ADAMTS7: variants seen among roughly 807,000 people sequenced by gnomAD.
The protein encoded by ADAMTS7 is A disintegrin and metalloproteinase with thrombospondin motifs 7.
A neutral mutation model predicts 172.6 loss-of-function variants in ADAMTS7; 89 were observed. The ratio of observed to expected loss-of-function variants is 0.52; its 90% CI spans 0.43 to 0.61. The LOEUF (loss-of-function observed/expected upper bound fraction) is 0.61, where lower values mean the gene tolerates loss of function less well. Ranked by LOEUF, ADAMTS7 falls within the 20% of genes least tolerant of loss-of-function variation. The pLI, the probability that ADAMTS7 is intolerant of heterozygous loss-of-function variation, is 0.00. For missense variants in ADAMTS7, 1,973 were observed against 2,355.6 expected, an observed-to-expected ratio of 0.84 and a Z score of 3.36; for synonymous variants, 885 against 978.4, an observed-to-expected ratio of 0.90 and a Z score of 1.78.
intron 6 of ADAMTS7, among the ~76,000 whole-genome samples, 169 bp from the exon 7 acceptor site, chr15:78,790,007 T>C (rs2055557512): frequency 6.6e-6 from 1 of 152,248 alleles, no homozygotes; most frequent in Non-Finnish European, 1.5e-5. Context: ...GCAGGTGCTC[T>C]CATTTACACA....
chr15:78,764,493 T>C (rs2055106464), intron 20 of ADAMTS7, 62 bp downstream of exon 20: 2 of 1,503,056 alleles, frequency 1.3e-6, no homozygotes, highest in East Asian at 2.5e-5. Flanking sequence ...ACACAGGCCG[T>C]GGGGAACCAG....
At chr15:78,760,327 A>C (rs1219970100) in intron 23 of ADAMTS7, among the ~76,000 whole-genome samples, 2 of 152,062 alleles carry the variant, frequency 1.3e-5, no homozygotes, top group East Asian at 1.9e-4. Flanking sequence ...CTTGCTCCTG[A>C]TGCCACTGCC....
At chr15:78,782,721 G>C (rs570756018) in intron 8 of ADAMTS7, among the ~76,000 whole-genome samples, 29 of 152,076 alleles carry the variant, frequency 1.9e-4, no homozygotes, top group Non-Finnish European at 2.8e-4. Context: ...CACCCAGAAG[G>C]AGAAGCCCGG....
Position 78,769,851 on chromosome 15 carries a change from A to C in ADAMTS7, c.2518+1311T>G, listed in dbSNP as rs575470693. Among the ~76,000 whole-genome samples, 7 of 152,364 alleles carry C rather than the reference A, an allele frequency of 4.6e-5. No individual in the cohort carries two copies. The South Asian group carries it at 8.3e-4, about 18-fold the overall frequency. On this transcript the variant is annotated intron_variant, in intron 16 of 23. Transcript: ENST00000388820. ...CTGCAAGTGTATTTGTTGGTTTTCA[A>C]GTTTGTCCAATTAAAGACACCTGTA...
At chr15:78,768,426 C>T (rs2055195666) in intron 16 of ADAMTS7, among the ~76,000 whole-genome samples, 167 bp from the exon 17 acceptor site, 1 of 152,208 alleles carries the variant, frequency 6.6e-6, no homozygotes. Context: ...GTCGCCTCCT[C>T]ACTGTCCTCC....
intron 23 of ADAMTS7, chr15:78,762,030 C>A: frequency 1.0e-6 from 1 of 985,404 alleles, no homozygotes; most frequent in Non-Finnish European, 1.2e-6. Flanking sequence ...CTCACCCAGG[C>A]CCAGTTTTCA....
In ADAMTS7 at chr15:78,774,238, C is replaced by T. The variant is rs770132401; in HGVS notation, c.1939G>A (p.Ala647Thr). 3.1e-5 allele frequency: 49 copies of T among 1,584,492 alleles called. No homozygotes were observed. In the Admixed American group the frequency reaches 6.5e-4, roughly 21 times the overall value. The change falls in exon 13 of 24, where the codon GCC becomes ACC. Residue 647 changes from alanine to threonine, a missense_variant. Ala to Thr is a moderately conservative substitution (Grantham distance 58). Coordinates refer to ENST00000388820, the MANE Select transcript of ADAMTS7 (RefSeq NM_014272.5). ...NEYFAEKLRD[A>T]VVDGTPCYQV... Reference sequence around the variant, plus strand: ...TAGCAGGGGGTGCCATCGACCACGGCGTCCCGCAGCTTCTCGGCAAAGTAC... The same window carrying T: ...TAGCAGGGGGTGCCATCGACCACGGTGTCCCGCAGCTTCTCGGCAAAGTAC...
In ADAMTS7 at chr15:78,796,737, C is replaced by G; in HGVS notation, c.672G>C (p.Gln224His). ...SRRERWEQRQ[Q>H]WRRPRLRRLH... ...GACGCCTCAGCCGTGGCCGCCGCCACTGCTGCCGCTGCTCCCAACGCTCCC... is the reference window on the plus strand; with the variant it reads ...GACGCCTCAGCCGTGGCCGCCGCCAGTGCTGCCGCTGCTCCCAACGCTCCC... Residue 224 changes from glutamine (Q) to histidine (H), a missense_variant, in exon 4 of 24, where the codon CAG (glutamine) becomes CAC (histidine). Gln to His is a conservative substitution (Grantham distance 24). Coordinates refer to ENST00000388820, the MANE Select transcript of ADAMTS7 (RefSeq NM_014272.5). 6.2e-7 allele frequency: 1 copy of G among 1,612,068 alleles called. No individual in the cohort carries two copies. The highest frequency in any genetic ancestry group is 1.1e-5 in the South Asian group (1 of 91,076).
rs1332989688 is a variant in ADAMTS7, at chr15:78,800,383, G to T, written c.265C>A (p.Arg89Ser). The change falls in exon 2 of 24, where the codon CGC becomes AGC. Residue 89 changes from arginine to serine, a missense_variant. Arg to Ser is a moderately radical substitution (Grantham distance 110, BLOSUM62 -1). This residue lies in a region of ADAMTS7 where 306 missense variants were observed against 288.0 expected (regional missense o/e 1.06). Transcript: ENST00000388820. Reference sequence around the variant, plus strand: ...GCGGTCAGGTTGAAGCGCAGCTCGCGCCCGCGGTATTGTAGCTCGTAGAAG... The same window carrying T: ...GCGGTCAGGTTGAAGCGCAGCTCGCTCCCGCGGTATTGTAGCTCGTAGAAG... ...PAFYELQYRG[R>S]ELRFNLTANQ... The T allele has an allele frequency of 1.9e-6, 3 of 1,606,668 alleles. No homozygotes were observed. Among genetic ancestry groups the T allele is most frequent in the Admixed American group, 1.7e-5 (1 of 59,382 alleles).
chr15:78,759,348 A>C lies in ADAMTS7; in HGVS notation c.*73T>G. 6.9e-7 allele frequency: 1 copy of C among 1,452,704 alleles called. No individual in the cohort carries two copies. Among genetic ancestry groups the C allele is most frequent in the East Asian group, 2.5e-5 (1 of 40,536 alleles). 90.0% of individuals were successfully genotyped at this position (1,452,704 alleles called of 1,614,324 possible). On this transcript the variant is annotated 3_prime_UTR_variant, in exon 24 of 24. Transcript: ENST00000388820. ...GAGGGGGTTAGCACCATTAGGGCGC[A>C]GGGGGCGGGAGCTCCGCCACAGCCC... is the stretch of plus-strand genomic sequence containing the variant.
chr15:78,767,708 C>G (rs1263097303), intron 17 of ADAMTS7, 116 bp from the exon 18 acceptor site: 24 of 966,578 alleles, frequency 2.5e-5, no homozygotes. Flanking sequence ...AGAGCTGGGA[C>G]TGAGGCCAGT....
chr15:78,775,746 C>T (rs1306611430), intron 11 of ADAMTS7, among the ~76,000 whole-genome samples: 1 of 152,228 alleles, frequency 6.6e-6, no homozygotes, highest in Non-Finnish European at 1.5e-5. Flanking sequence ...AGGGCCTGGC[C>T]TGCATAAACT....
chr15:78,767,526 G>C lies in ADAMTS7; in HGVS notation c.2712C>G (p.Ala904=). ...GCCCCACGCTGCGGATGCAGAGCACGGCCCGGCGGGAGAGGCCCCCAGGCC... is the reference window on the plus strand; with the variant it reads ...GCCCCACGCTGCGGATGCAGAGCACCGCCCGGCGGGAGAGGCCCCCAGGCC... ...SCGPGGLSRR[A]VLCIRSVGLD... The change falls in exon 18 of 24, where the codon GCC becomes GCG. Residue 904 remains alanine (A), a synonymous_variant. Coordinates refer to ENST00000388820, the MANE Select transcript of ADAMTS7 (RefSeq NM_014272.5). The C allele has an allele frequency of 6.3e-7, 1 of 1,595,546 alleles. No individual in the cohort carries two copies. Among genetic ancestry groups the C allele is most frequent in the Non-Finnish European group, 8.5e-7 (1 of 1,172,408 alleles).
In ADAMTS7 at chr15:78,798,113, T is replaced by G. The variant is rs1389998272; in HGVS notation, c.457A>C (p.Lys153Gln). The change falls in exon 3 of 24, where the codon AAA (lysine) becomes CAA (glutamine). Residue 153 changes from lysine to glutamine, a missense_variant and splice_region_variant. Lys to Gln is a moderately conservative substitution (Grantham distance 53). Coordinates refer to ENST00000388820, the MANE Select transcript of ADAMTS7 (RefSeq NM_014272.5). ...LAAISACDGLKGVFQLSNEDY... is the reference protein window; with the variant it reads ...LAAISACDGLQGVFQLSNEDY... ...TCGTTGGAGAGCTGGAACACACCTT[T>G]CTGGGGAAGAAGCACCAGGGTCACA... 1 of 1,547,746 alleles carries G rather than the reference T, an allele frequency of 6.5e-7. No homozygotes were observed. Among genetic ancestry groups the G allele is most frequent in the Non-Finnish European group, 8.7e-7 (1 of 1,155,740 alleles).
rs139031066 is a variant in ADAMTS7 at position 78,789,733 on chromosome 15, C to T, written c.1134G>A (p.Thr378=). The T allele has an allele frequency of 1.2e-5, 19 of 1,612,854 alleles. No homozygotes were observed. The highest frequency in any genetic ancestry group is 8.9e-5 in the East Asian group (4 of 44,864). Residue 378 remains threonine, a synonymous_variant, in exon 7 of 24, where the codon ACG becomes ACA. Transcript: ENST00000388820. The part of the protein sequence containing the change: ...PHRSCSINED[T]GLPLAFTVAH... ...CTACAGTGAAGGCCAGCGGCAGGCC[C>T]GTGTCCTCGTTGATGCTGCAGCTGC...
chr15:78,803,006 A>C (rs1337778322), intron 1 of ADAMTS7, among the ~76,000 whole-genome samples: 3 of 152,106 alleles, frequency 2.0e-5, no homozygotes, highest in Non-Finnish European at 2.9e-5. Flanking sequence ...CAAAAAAATA[A>C]ATAAATAAAA....
intron 7 of ADAMTS7, 121 bp from the exon 8 acceptor site, chr15:78,788,495 G>A (rs1006924759): frequency 8.5e-5 from 103 of 1,206,618 alleles, no homozygotes; most frequent in South Asian, 7.3e-5. Context: ...CCACCCAATG[G>A]CTGCACCCAA....
rs529016137 is a variant in ADAMTS7 at position 78,765,818 on chromosome 15, G to A, written c.4093C>T (p.Pro1365Ser). Residue 1365 changes from proline to serine, a missense_variant, in exon 19 of 24, where the codon CCT becomes TCT. By Grantham distance (74) the Pro-to-Ser change is moderately conservative (BLOSUM62 -1). Coordinates refer to ENST00000388820, the MANE Select transcript of ADAMTS7 (RefSeq NM_014272.5). ...AGCCTAGAGCTCAGGGGCACCTCAG[G>A]GCTGAGGGACTCAGGCTGACCCTTG... is the stretch of plus-strand genomic sequence containing the variant. ...GPKGQPESLS[P>S]EVPLSSRLLS... The A allele has an allele frequency of 6.9e-6, 11 of 1,590,576 alleles. No homozygotes were observed. The African/African-American group carries it at 1.3e-4, about 19-fold the overall frequency.
chr15:78,764,476 T>G, intron 20 of ADAMTS7, 79 bp downstream of exon 20: 1 of 1,476,204 alleles, frequency 6.8e-7, no homozygotes, highest in African/African-American at 1.4e-5. Flanking sequence ...TCCCTGCCGC[T>G]CTCAGAACAC....
Sources: gnomAD v4.1 joint callset for allele counts (sites outside exome capture counted in the v4.1 genomes callset) on GRCh38, gnomAD v4.1.1 for gene constraint, gnomAD v4.1.1 regional missense constraint, MANE v1.5 for transcripts, NCBI Gene and HGNC (gene_info 2026-07-23, HGNC 2026-07-21) for gene names.